PAX6: variants seen among roughly 807,000 people sequenced by gnomAD.
PAX6 encodes paired box 6, also known as paired box protein Pax-6.
In PAX6, 7 loss-of-function variants were observed where a neutral mutation model predicts 60.7. The ratio of observed to expected loss-of-function variants is 0.12; its 90% CI spans 0.07 to 0.22. The LOEUF (loss-of-function observed/expected upper bound fraction) is 0.22. PAX6 is among the 10% of genes least tolerant of loss of function. PAX6 has a pLI of 1.00. For missense variants in PAX6, 355 were observed against 555.2 expected (o/e 0.64, Z 3.62); for synonymous variants, 208 against 201.2 (o/e 1.03, Z -0.29).
At position 31,793,571 on chromosome 11, in the gene PAX6, G is replaced by T; in HGVS notation, c.959-18C>A. 6.2e-7 allele frequency: 1 copy of T among 1,613,560 alleles called. No homozygotes were observed. The highest frequency in any genetic ancestry group is 8.5e-7 in the Non-Finnish European group (1 of 1,179,406). ...GGAGGAAACTGAGGGCAAGAGAAAT[G>T]ACAGTAGTCAGAGTGAGAGTCAGAG... On this transcript the variant is annotated intron_variant, in intron 11 of 13. Transcript: ENST00000640368.
At chr11:31,790,151 A>G in intron 13 of PAX6, 132 bp from the exon 14 acceptor site, 1 of 692,150 alleles carries the variant, frequency 1.4e-6, no homozygotes, top group Non-Finnish European at 2.5e-6. Flanking sequence ...TTACTGTATT[A>G]AAATCACTTC....
chr11:31,813,242 C>G (rs1173905153), upstream of PAX6: 2 of 152,080 alleles, frequency 1.3e-5, no homozygotes, highest in African/African-American at 4.8e-5. Flanking sequence ...TCGGAGGATG[C>G]CGGCAAGTGG....
chr11:31,814,718 G>C (rs1957288858), upstream of PAX6: 1 of 152,432 alleles, frequency 6.6e-6, no homozygotes, highest in African/African-American at 2.4e-5. Context: ...CCCAGTCCCT[G>C]GTGCCTCCCC....
intron 7 of PAX6, chr11:31,801,297 T>A: frequency 1.4e-6 from 2 of 1,411,290 alleles, no homozygotes; most frequent in Non-Finnish European, 1.8e-6. Flanking sequence ...CCTTCTTCAT[T>A]CAAGTGCCTT....
At chr11:31,804,146 A>C (rs1954996720) in intron 4 of PAX6, 1 of 152,246 alleles carries the variant, frequency 6.6e-6, no homozygotes, top group Admixed American at 6.5e-5. Context: ...ATTTGTCTTT[A>C]AAATAAAACT....
chr11:31,808,246 C>T (rs1284433181), intron 2 of PAX6: 7 of 152,208 alleles, frequency 4.6e-5, no homozygotes, highest in Non-Finnish European at 7.3e-5. Context: ...CTCTACAAGG[C>T]CATTCCTGGT....
chr11:31,810,557 CGCGCTG>C (rs992804891), intron 2 of PAX6: 48 of 269,980 alleles, frequency 1.8e-4, no homozygotes, highest in Middle Eastern at 1.1e-3. Flanking sequence ...GAGCTCAGCC[CGCGCTG>C]GCGCTGGCGC....
At chr11:31,790,651 G>A in intron 13 of PAX6, 59 bp downstream of exon 13, 1 of 1,610,202 alleles carries the variant, frequency 6.2e-7, no homozygotes, top group Non-Finnish European at 8.5e-7. Flanking sequence ...ATTCTGTTTG[G>A]GTAAACTTCT....
chr11:31,801,049 GT>G, intron 7 of PAX6, 193 bp from the exon 8 acceptor site: 1 of 768,324 alleles, frequency 1.3e-6, no homozygotes, highest in East Asian at 2.7e-5. Context: ...TGGAAATTTA[GT>G]TGGATAGAGA....
chr11:31,794,222 C>T (rs1206127900), intron 9 of PAX6, 108 bp from the exon 10 acceptor site: 5 of 809,826 alleles, frequency 6.2e-6, no homozygotes, highest in Middle Eastern at 2.2e-4. Flanking sequence ...TACCTCCAAC[C>T]AATTCCCTTT....
rs970911365 is a variant in PAX6, at chr11:31,794,201, C to G, written c.725-87G>C. 1.4e-5 allele frequency: 12 copies of G among 875,874 alleles called. No individual in the cohort carries two copies. In the African/African-American group the frequency reaches 1.8e-4, roughly 13 times the overall value. The allele number at this position is 875,874 out of a possible 1,614,324, so 54.3% of individuals were successfully genotyped here. On this transcript the variant is annotated intron_variant, in intron 9 of 13. Transcript: ENST00000640368. ...TGTGCATCAAACTGGTTCCCACCTC[C>G]CCACTCCCATTACCTCCAACCAATT...
At chr11:31,816,943 C>T (rs1411345151) in intron 1 of PAX6, among the ~76,000 whole-genome samples, 1 of 152,238 alleles carries the variant, frequency 6.6e-6, no homozygotes, top group Non-Finnish European at 1.5e-5. Flanking sequence ...AGGACTTTCG[C>T]CCGGCTGAAC....
At chr11:31,792,420 A>C (rs974106824) in intron 12 of PAX6, 6 of 152,362 alleles carry the variant, frequency 3.9e-5, no homozygotes, top group Non-Finnish European at 7.3e-5. Context: ...GAAGACTGTG[A>C]AACATTTATT....
intron 1 of PAX6, chr11:31,816,709 C>T: frequency 1.4e-6 from 1 of 693,414 alleles, no homozygotes. Context: ...GGGGGCGCCA[C>T]CGCTCGGAGT....
rs755536579 is a variant in PAX6 at position 31,802,685 on chromosome 11, G to T, written c.141+19C>A. Reference sequence around the variant, plus strand: ...GAGGGCCGCGGGGGCGGCGAGTGGGGCGGCGCCGGGAGGATCACCTGCAGA... The same window carrying T: ...GAGGGCCGCGGGGGCGGCGAGTGGGTCGGCGCCGGGAGGATCACCTGCAGA... On this transcript the variant is annotated intron_variant, in intron 5 of 13. Coordinates refer to ENST00000640368, the MANE Select transcript of PAX6 (RefSeq NM_001368894.2). 1 of 1,606,188 alleles carries T rather than the reference G, an allele frequency of 6.2e-7. No homozygotes were observed.
intron 12 of PAX6, 154 bp downstream of exon 12, chr11:31,793,284 G>C (rs533995423): frequency 1.4e-6 from 1 of 724,574 alleles, no homozygotes; most frequent in South Asian, 1.4e-5. Flanking sequence ...AAAAGTGATG[G>C]GATTGACTGT....
intron 7 of PAX6, 149 bp downstream of exon 7, chr11:31,801,412 C>T: frequency 6.5e-7 from 1 of 1,534,028 alleles, no homozygotes; most frequent in Non-Finnish European, 8.8e-7. Flanking sequence ...CAGGGCATTC[C>T]TCTCTGTTCC....
chr11:31,793,880 C>T, intron 10 of PAX6, 78 bp from the exon 11 acceptor site: 1 of 1,515,976 alleles, frequency 6.6e-7, no homozygotes, highest in South Asian at 1.1e-5. Context: ...CTGCTGCCCT[C>T]CCCACGCCCA....
intron 8 of PAX6, 73 bp downstream of exon 8, chr11:31,800,618 T>C (rs866859182): frequency 6.4e-7 from 1 of 1,551,796 alleles, no homozygotes; most frequent in South Asian, 1.1e-5. Context: ...TGAGAGGAAA[T>C]GGTTGGGAGA....
Sources: allele counts gnomAD v4.1 joint callset (sites outside exome capture counted in the v4.1 genomes callset), GRCh38; gene constraint gnomAD v4.1.1; transcripts MANE v1.5; gene names NCBI Gene and HGNC (gene_info 2026-07-23, HGNC 2026-07-21).